METTL8: variants seen among roughly 807,000 people sequenced by gnomAD.
METTL8 encodes the protein methyltransferase 8, tRNA N3-cytidine, also known as tRNA N(3)-cytidine methyltransferase METTL8, mitochondrial.
A neutral mutation model predicts 48.7 loss-of-function variants in METTL8; 32 were observed. That is an observed-to-expected ratio of 0.66 (90% confidence interval 0.50 to 0.88). METTL8 has a LOEUF of 0.88. METTL8 is among the 40% of genes least tolerant of loss of function. The pLI, the probability that METTL8 is intolerant of heterozygous loss-of-function variation, is 0.00. For missense variants in METTL8, 464 were observed against 474.4 expected, an observed-to-expected ratio of 0.98 and a Z score of 0.20; for synonymous variants, 136 against 157.1, an observed-to-expected ratio of 0.87 and a Z score of 1.01.
chr2:171,382,027 C>T (rs555815602), intron 2 of METTL8, among the ~76,000 whole-genome samples: 3 of 152,198 alleles, frequency 2.0e-5, no homozygotes, highest in Admixed American at 2.0e-4. Context: ...CATGATTCGC[C>T]CACCTTGGCC....
intron 4 of METTL8, 25 bp downstream of exon 4, chr2:171,339,159 C>T (rs759715402): frequency 7.0e-7 from 1 of 1,421,276 alleles, no homozygotes; most frequent in Non-Finnish European, 9.3e-7. Context: ...TGTCACCTCC[C>T]ATTTTTGTCC....
chr2:171,355,623 G>A (rs1684445060), intron 3 of METTL8, among the ~76,000 whole-genome samples: 3 of 152,218 alleles, frequency 2.0e-5, no homozygotes, highest in Admixed American at 1.3e-4. Flanking sequence ...CACCCAGTTC[G>A]AGCTTCCCGG....
intron 3 of METTL8, among the ~76,000 whole-genome samples, chr2:171,360,193 T>A (rs1446364628): frequency 6.6e-6 from 1 of 152,226 alleles, no homozygotes; most frequent in East Asian, 1.9e-4. Context: ...CACCCATGTG[T>A]GTATCTCCCA....
intron 2 of METTL8, among the ~76,000 whole-genome samples, chr2:171,369,498 A>G (rs766301998): frequency 6.6e-6 from 1 of 152,264 alleles, no homozygotes; most frequent in Non-Finnish European, 1.5e-5. Context: ...ATACATTTAC[A>G]TTAAAATATG....
At position 171,326,087 on chromosome 2, in the gene METTL8, G is replaced by A. The variant is rs1308146058; in HGVS notation, c.922C>T (p.Arg308Ter). The A allele has an allele frequency of 5.7e-5, 89 of 1,550,120 alleles. No homozygotes were observed. The Admixed American group carries it at 1.4e-3, about 25-fold the overall frequency. Reference protein sequence around the residue: ...LLKPGGMLLFRDYGRYDKTQL... With the variant: ...LLKPGGMLLF ...GTCTTATCATATCTTCCATAGTCTC[G>A]AAATAACAGCATTCCCCCAGGTTTC... The change falls in exon 8 of 10, where the codon CGA becomes TGA. Residue 308 changes from arginine to a stop codon, truncating the protein, a stop_gained. Transcript: ENST00000375258. LOFTEE classifies it high-confidence loss of function.
rs146804927 is a variant in METTL8 at position 171,335,677 on chromosome 2, G to A, written c.656+1776C>T. Reference sequence around the variant, plus strand: ...TGACCTCAAGTGATCTGCCTGCCTCGTCCTCCCAAAGTGCTGGGATTACAG... The same window carrying A: ...TGACCTCAAGTGATCTGCCTGCCTCATCCTCCCAAAGTGCTGGGATTACAG... On this transcript the variant is annotated intron_variant, in intron 5 of 9. Coordinates refer to ENST00000375258, the MANE Select transcript of METTL8 (RefSeq NM_001321154.2). Among the ~76,000 whole-genome samples the A allele has an allele frequency of 2.2e-3, 338 of 152,190 alleles. 8 individuals are homozygous for A. The East Asian group carries it at 0.031, about 14-fold the overall frequency.
chr2:171,351,966 G>A (rs1683980831), intron 3 of METTL8, among the ~76,000 whole-genome samples: 1 of 152,126 alleles, frequency 6.6e-6, no homozygotes, highest in South Asian at 2.1e-4. Flanking sequence ...TCTCTTGCCT[G>A]ATTGCCCTGG....
At chr2:171,333,750 G>A (rs1164594051) in intron 5 of METTL8, among the ~76,000 whole-genome samples, 2 of 152,166 alleles carry the variant, frequency 1.3e-5, no homozygotes, top group Non-Finnish European at 2.9e-5. Flanking sequence ...ATGGTTAAGG[G>A]CAGGGGCTTT....
At chr2:171,388,040 T>G (rs1287381296) in intron 2 of METTL8, among the ~76,000 whole-genome samples, 1 of 152,226 alleles carries the variant, frequency 6.6e-6, no homozygotes, top group Non-Finnish European at 1.5e-5. Context: ...CAAAGCCTAT[T>G]ATTCAAAATG....
At position 171,331,885 on chromosome 2, in the gene METTL8, ATATT is replaced by A. The variant is rs776992973; in HGVS notation, c.657-22_657-19del. On this transcript the variant is annotated intron_variant, in intron 5 of 9. Coordinates refer to ENST00000375258, the MANE Select transcript of METTL8 (RefSeq NM_001321154.2). ...GAGAGTTCCTATGAAGATGGAAGAA[ATATT>A]TATTTATTTTTTTGGAGACAGGGTC... The A allele has an allele frequency of 6.4e-6, 10 of 1,558,878 alleles. No homozygotes were observed. In the Admixed American group the frequency reaches 1.3e-4, roughly 20 times the overall value.
In METTL8 at chr2:171,343,045, T is replaced by C. The variant is rs951889806; in HGVS notation, c.236-3491A>G. 1.4e-4 allele frequency among the ~76,000 whole-genome samples: 21 copies of C among 152,290 alleles called. 1 individual carries two copies. The highest frequency in any genetic ancestry group is 4.8e-4 in the African/African-American group (20 of 41,550). ...AATGTGTGTATAGCAGTTCTATTTA[T>C]ATTAGGAAAAAGTGGGGAAAACTCA... On this transcript the variant is annotated intron_variant, in intron 3 of 9. Transcript: ENST00000375258.
At chr2:171,432,005 G>A (rs1693082323) in intron 1 of METTL8, among the ~76,000 whole-genome samples, 2 of 152,214 alleles carry the variant, frequency 1.3e-5, no homozygotes, top group Admixed American at 6.5e-5. Flanking sequence ...GGCACTTGGA[G>A]CAACCAGCTG....
Position 171,391,161 on chromosome 2 carries a change from G to T in METTL8, c.143+882C>A, listed in dbSNP as rs182201984. 1.3e-3 allele frequency among the ~76,000 whole-genome samples: 191 copies of T among 152,304 alleles called. 1 individual carries two copies. The highest frequency in any genetic ancestry group is 1.1e-3 in the Non-Finnish European group (75 of 68,020). The stretch of plus-strand genomic sequence containing the variant: ...AGGTAAGACCCTCTGCCAACAAAAA[G>T]ATTATGACTCACTGAAGGCTCAGAT... On this transcript the variant is annotated intron_variant, in intron 2 of 9. Coordinates refer to ENST00000375258, the MANE Select transcript of METTL8 (RefSeq NM_001321154.2).
intron 1 of METTL8, among the ~76,000 whole-genome samples, chr2:171,415,331 C>A: frequency 7.0e-6 from 1 of 142,386 alleles, no homozygotes. Context: ...GCATTTTCTT[C>A]TTAATATATC....
At chr2:171,427,860 T>A (rs1692575830) in intron 1 of METTL8, among the ~76,000 whole-genome samples, 1 of 152,196 alleles carries the variant, frequency 6.6e-6, no homozygotes. Flanking sequence ...GCCAAAACTT[T>A]CCCCTGCACA....
At chr2:171,396,381 G>C (rs1689068167) in intron 1 of METTL8, among the ~76,000 whole-genome samples, 1 of 152,038 alleles carries the variant, frequency 6.6e-6, no homozygotes, top group Admixed American at 6.6e-5. Context: ...GAATTAACTT[G>C]TATTAATAAA....
Position 171,418,509 on chromosome 2 carries a change from AT to A in METTL8, c.-13+15373del, listed in dbSNP as rs1458027255. Among the ~76,000 whole-genome samples the A allele has an allele frequency of 1.4e-3, 220 of 152,262 alleles. 3 individuals are homozygous for A. The East Asian group carries it at 0.016, about 11-fold the overall frequency. ...TATTTGGAATTCTTTTGCATGGACGATTTGTCTCTTCTCTCCCATTCATTTA... is the reference window on the plus strand; with the variant it reads ...TATTTGGAATTCTTTTGCATGGACGATTGTCTCTTCTCTCCCATTCATTTA... On this transcript the variant is annotated intron_variant, in intron 1 of 9. Transcript: ENST00000375258.
intron 1 of METTL8, among the ~76,000 whole-genome samples, chr2:171,409,925 A>G (rs1295646879): frequency 2.6e-5 from 4 of 152,192 alleles, no homozygotes; most frequent in Non-Finnish European, 5.9e-5. Context: ...GAAAGATCAC[A>G]TGTGGAATTT....
chr2:171,432,025 C>CAACT (rs1418844076), intron 1 of METTL8, among the ~76,000 whole-genome samples: 4 of 152,222 alleles, frequency 2.6e-5, no homozygotes, highest in African/African-American at 9.6e-5. Flanking sequence ...GGATACCACA[C>CAACT]AACTCTGCAC....
Sources: gnomAD v4.1 joint callset for allele counts (sites outside exome capture counted in the v4.1 genomes callset) on GRCh38, gnomAD v4.1.1 for gene constraint, MANE v1.5 for transcripts, NCBI Gene and HGNC (gene_info 2026-07-23, HGNC 2026-07-21) for gene names.